WDR70: variants seen among roughly 807,000 people sequenced by gnomAD.
WDR70 encodes WD repeat domain 70.
A neutral mutation model predicts 88.6 loss-of-function variants in WDR70; 53 were observed. That is an observed-to-expected ratio of 0.60 (90% confidence interval 0.48 to 0.75). The LOEUF is 0.75. Among genes scored for constraint, WDR70 ranks in the 30% least tolerant of loss-of-function variants. The pLI is 0.00. For missense variants in WDR70, 610 were observed against 823.2 expected (o/e 0.74, Z 3.17); for synonymous variants, 280 against 270.0 (o/e 1.04, Z -0.36).
At chr5:37,673,265 G>A (rs1329320853) in intron 10 of WDR70, among the ~76,000 whole-genome samples, 1 of 152,140 alleles carries the variant, frequency 6.6e-6, no homozygotes, top group East Asian at 1.9e-4. Flanking sequence ...GTATTCCATG[G>A]TGTGTATGTA....
At chr5:37,708,085 T>C (rs1336555200) in intron 13 of WDR70, among the ~76,000 whole-genome samples, 2 of 148,638 alleles carry the variant, frequency 1.3e-5, no homozygotes, top group Non-Finnish European at 3.0e-5. Context: ...CTAGATAATA[T>C]TTGATTTTCT....
At chr5:37,642,137 C>T (rs931472798) in intron 10 of WDR70, among the ~76,000 whole-genome samples, 24 of 152,098 alleles carry the variant, frequency 1.6e-4, no homozygotes, top group African/African-American at 4.8e-4. Context: ...CTTCTGAGAT[C>T]AGCTAACTGG....
At chr5:37,691,316 A>T (rs1035352243) in intron 10 of WDR70, among the ~76,000 whole-genome samples, 2 of 152,202 alleles carry the variant, frequency 1.3e-5, no homozygotes, top group Non-Finnish European at 2.9e-5. Context: ...ACAGAAGGTT[A>T]ACAAGGATAT....
chr5:37,390,080 G>T (rs1748763900), intron 3 of WDR70, among the ~76,000 whole-genome samples: 1 of 143,030 alleles, frequency 7.0e-6, no homozygotes, highest in Admixed American at 6.6e-5. Context: ...GATTATCTCA[G>T]GTTATTGAGG....
At chr5:37,419,482 G>A (rs1419370125) in intron 5 of WDR70, among the ~76,000 whole-genome samples, 3 of 151,694 alleles carry the variant, frequency 2.0e-5, no homozygotes, top group African/African-American at 7.3e-5. Context: ...GGGATTACAG[G>A]TGTGAGCCAC....
chr5:37,484,659 A>G (rs1250796304), intron 8 of WDR70, among the ~76,000 whole-genome samples: 3 of 152,252 alleles, frequency 2.0e-5, no homozygotes, highest in Non-Finnish European at 2.9e-5. Flanking sequence ...AGTATATTAT[A>G]TATCAGTTAA....
At chr5:37,718,044 A>G (rs1164320433) in intron 13 of WDR70, among the ~76,000 whole-genome samples, 1 of 152,178 alleles carries the variant, frequency 6.6e-6, no homozygotes, top group Non-Finnish European at 1.5e-5. Flanking sequence ...GCCACAGTGC[A>G]TGGGGCTCTG....
intron 17 of WDR70, among the ~76,000 whole-genome samples, chr5:37,730,401 G>A (rs1286891620): frequency 6.6e-6 from 1 of 151,986 alleles, no homozygotes; most frequent in Non-Finnish European, 1.5e-5. Flanking sequence ...TTAAAGATTT[G>A]TATATATTTT....
At chr5:37,711,475 G>T (rs967970728) in intron 13 of WDR70, among the ~76,000 whole-genome samples, 28 of 152,148 alleles carry the variant, frequency 1.8e-4, no homozygotes, top group Non-Finnish European at 8.8e-5. Flanking sequence ...ACATTCTCAT[G>T]TTTAGAGCCT....
chr5:37,707,948 A>AAAAAATAT (rs1561083728), intron 13 of WDR70, among the ~76,000 whole-genome samples: 1 of 33,774 alleles, frequency 3.0e-5, no homozygotes, highest in Non-Finnish European at 5.2e-5. Context: ...AAAAAAAAAA[A>AAAAAATAT]ATATATATAT....
intron 10 of WDR70, among the ~76,000 whole-genome samples, chr5:37,679,292 G>A (rs1176742234): frequency 6.6e-6 from 1 of 152,062 alleles, no homozygotes; most frequent in Admixed American, 6.6e-5. Context: ...CATTCCTTTG[G>A]AGGAGGAGAG....
chr5:37,653,041 G>T (rs947740237), intron 10 of WDR70, among the ~76,000 whole-genome samples: 4 of 152,158 alleles, frequency 2.6e-5, no homozygotes, highest in African/African-American at 9.7e-5. Flanking sequence ...AATGCTTCCA[G>T]CTTTTTCCCG....
intron 9 of WDR70, among the ~76,000 whole-genome samples, chr5:37,585,363 G>T (rs186025715): frequency 6.4e-4 from 98 of 152,250 alleles, no homozygotes; most frequent in Admixed American, 1.1e-3. Flanking sequence ...GTAATTAGTG[G>T]AATAGAGCTG....
At chr5:37,536,841 A>T (rs912040051) in intron 9 of WDR70, among the ~76,000 whole-genome samples, 4 of 151,444 alleles carry the variant, frequency 2.6e-5, no homozygotes, top group Admixed American at 1.3e-4. Flanking sequence ...TGACAAGAAA[A>T]TTTTTTTTTC....
In WDR70 at chr5:37,495,202, G is replaced by A. The variant is rs1245433424; in HGVS notation, c.840+15215G>A. ...TCAGGAGATTTGATAATTCCTGAAAGGTGGTGAATGGACTCTAGTTAAGAA... is the reference window on the plus strand; with the variant it reads ...TCAGGAGATTTGATAATTCCTGAAAAGTGGTGAATGGACTCTAGTTAAGAA... On this transcript the variant is annotated intron_variant, in intron 8 of 17. Transcript: ENST00000265107. Among the ~76,000 whole-genome samples the A allele has an allele frequency of 2.0e-5, 3 of 152,302 alleles. No homozygotes were observed. In the East Asian group the frequency reaches 5.8e-4, roughly 29 times the overall value.
chr5:37,531,408 T>C (rs1379921494), intron 9 of WDR70, among the ~76,000 whole-genome samples: 1 of 151,870 alleles, frequency 6.6e-6, no homozygotes, highest in Non-Finnish European at 1.5e-5. Flanking sequence ...TTGCCATCTA[T>C]CTCATTTCTT....
At chr5:37,678,119 A>G (rs1474159264) in intron 10 of WDR70, among the ~76,000 whole-genome samples, 27 of 152,090 alleles carry the variant, frequency 1.8e-4, no homozygotes, top group Admixed American at 7.2e-4. Flanking sequence ...TTGAGCCTAT[A>G]TGTGTCTCTG....
At chr5:37,728,582 A>T (rs759434797) in intron 17 of WDR70, among the ~76,000 whole-genome samples, 3 of 151,866 alleles carry the variant, frequency 2.0e-5, no homozygotes, top group Non-Finnish European at 4.4e-5. Context: ...ATTTTCTTAT[A>T]TTTGGAATGA....
intron 5 of WDR70, among the ~76,000 whole-genome samples, chr5:37,427,480 A>G (rs1731194288): frequency 6.6e-6 from 1 of 152,236 alleles, no homozygotes; most frequent in African/African-American, 2.4e-5. Context: ...ATACATGTAC[A>G]TGTACACACA....
Sources: allele counts gnomAD v4.1 joint callset (sites outside exome capture counted in the v4.1 genomes callset), GRCh38; gene constraint gnomAD v4.1.1; transcripts MANE v1.5; gene names NCBI Gene and HGNC (gene_info 2026-07-23, HGNC 2026-07-21).